The following TCP11L2 variants were observed in gnomAD, a reference collection of about 807,000 sequenced individuals.
TCP11L2 encodes the protein t-complex 11 like 2, also known as T-complex protein 11-like protein 2.
Under a neutral mutation model 50.7 loss-of-function variants are expected in TCP11L2, and 39 were observed. The observed-to-expected ratio is 0.77, with a 90% CI of 0.60 to 1.01. The LOEUF (loss-of-function observed/expected upper bound fraction) is 1.01. TCP11L2 is among the 50% of genes least tolerant of loss of function. The pLI is 0.00. For missense variants in TCP11L2, 612 were observed against 614.7 expected (o/e 1.00, Z 0.05); for synonymous variants, 192 against 219.3 (o/e 0.88, Z 1.10).
Position 106,336,137 on chromosome 12 carries a change from A to C in TCP11L2, c.1066A>C (p.Ile356Leu). The change falls in exon 8 of 10, where the codon ATT becomes CTT. Residue 356 changes from isoleucine to leucine, a missense_variant. Transcript: ENST00000299045. The stretch of plus-strand genomic sequence containing the variant: ...AATTACCAACAACATGGTGGGTGCT[A>C]TTACAGGAGGCCTGCCTGAGCTTGC... ...SLITNNMVGA[I>L]TGGLPELASR... The C allele has an allele frequency of 6.2e-7, 1 of 1,614,046 alleles. No homozygotes were observed. The highest frequency in any genetic ancestry group is 8.5e-7 in the Non-Finnish European group (1 of 1,179,992).
chr12:106,320,402 A>AAAAAG (rs978570584), intron 4 of TCP11L2, among the ~76,000 whole-genome samples: 1 of 152,202 alleles, frequency 6.6e-6, no homozygotes, highest in South Asian at 2.1e-4. Context: ...ATCTCAAAAA[A>AAAAAG]AAAAGAAAAG....
At chr12:106,318,982 G>A (rs1168777033) in intron 4 of TCP11L2, among the ~76,000 whole-genome samples, 1 of 151,858 alleles carries the variant, frequency 6.6e-6, no homozygotes, top group Non-Finnish European at 1.5e-5. Flanking sequence ...CGCAATCTCG[G>A]CTCACTGCAA....
chr12:106,304,395 A>G (rs1030265701), intron 1 of TCP11L2: 16 of 152,298 alleles, frequency 1.1e-4, no homozygotes, highest in African/African-American at 3.4e-4. Context: ...TGTTGGTTCT[A>G]ACTTGATGAA....
At chr12:106,328,007 C>G (rs2136750873) in intron 6 of TCP11L2, among the ~76,000 whole-genome samples, 1 of 152,220 alleles carries the variant, frequency 6.6e-6, no homozygotes, top group African/African-American at 2.4e-5. Flanking sequence ...TTAAGATACC[C>G]AGAAAGAAAG....
Position 106,317,226 on chromosome 12 carries a change from A to G in TCP11L2, c.294-1118A>G, listed in dbSNP as rs185319966. ...GGACACATTGCCTTTGTTTAAAGATAAAGTCTTAGCCGGGCGCAGTGGCTC... is the reference window on the plus strand; with the variant it reads ...GGACACATTGCCTTTGTTTAAAGATGAAGTCTTAGCCGGGCGCAGTGGCTC... On this transcript the variant is annotated intron_variant, in intron 3 of 9. Coordinates refer to ENST00000299045, the MANE Select transcript of TCP11L2 (RefSeq NM_152772.3). 3.3e-3 allele frequency among the ~76,000 whole-genome samples: 508 copies of G among 152,370 alleles called. 2 individuals are homozygous for G. The highest frequency in any genetic ancestry group is 0.017 in the Middle Eastern group (5 of 294).
intron 6 of TCP11L2, among the ~76,000 whole-genome samples, chr12:106,326,436 C>T (rs1176346566): frequency 6.6e-6 from 1 of 152,186 alleles, no homozygotes; most frequent in Admixed American, 6.5e-5. Context: ...AGGAAGCAGA[C>T]AGCTGGTTTT....
intron 8 of TCP11L2, among the ~76,000 whole-genome samples, chr12:106,336,784 C>T (rs1214783969): frequency 6.6e-6 from 1 of 152,098 alleles, no homozygotes; most frequent in African/African-American, 2.4e-5. Flanking sequence ...ATCTCTTGAC[C>T]TCATGACTCA....
chr12:106,306,652 C>A (rs187116994), intron 1 of TCP11L2, among the ~76,000 whole-genome samples: 1 of 151,928 alleles, frequency 6.6e-6, no homozygotes, highest in Non-Finnish European at 1.5e-5. Flanking sequence ...ATTACATTTT[C>A]GGAACTTGTA....
At chr12:106,334,976 A>G (rs2035865840) in intron 6 of TCP11L2, among the ~76,000 whole-genome samples, 1 of 152,132 alleles carries the variant, frequency 6.6e-6, no homozygotes. Context: ...ATATTATTCA[A>G]AACTCCCCAT....
intron 1 of TCP11L2, among the ~76,000 whole-genome samples, chr12:106,306,453 A>G (rs1464218183): frequency 6.6e-5 from 10 of 152,206 alleles, no homozygotes; most frequent in Admixed American, 2.6e-4. Flanking sequence ...CAACTTCAGT[A>G]TATTTAACAT....
At position 106,318,275 on chromosome 12, in the gene TCP11L2, A is replaced by T. The variant is rs563790257; in HGVS notation, c.294-69A>T. ...TACATTTTATAAGATTTCTACAATGAGGATGTTTCTTTTATAATCAGGAAA... is the reference window on the plus strand; with the variant it reads ...TACATTTTATAAGATTTCTACAATGTGGATGTTTCTTTTATAATCAGGAAA... On this transcript the variant is annotated intron_variant, in intron 3 of 9. Transcript: ENST00000299045. 289 of 1,519,712 alleles carry T rather than the reference A, an allele frequency of 1.9e-4. 7 individuals are homozygous for T. In the South Asian group the frequency reaches 3.3e-3, roughly 17 times the overall value. The allele number at this position is 1,519,712 out of a possible 1,614,324, so 94.1% of individuals were successfully genotyped here. A position where few individuals can be genotyped will look rare whatever the true frequency, so the allele number is the denominator to read the frequency against.
chr12:106,337,746 A>C (rs185446621), intron 8 of TCP11L2, among the ~76,000 whole-genome samples: 1 of 152,358 alleles, frequency 6.6e-6, no homozygotes, highest in African/African-American at 2.4e-5. Flanking sequence ...TAATTGTATT[A>C]ATATCTACCT....
In TCP11L2 at chr12:106,346,814, A is replaced by G. The variant is rs1592989196; in HGVS notation, c.*284A>G. Reference sequence around the variant, plus strand: ...TGTAATTAATTATATTACCTATATAATACTTGTAAATGTTTTCTTAACCAT... The same window carrying G: ...TGTAATTAATTATATTACCTATATAGTACTTGTAAATGTTTTCTTAACCAT... On this transcript the variant is annotated 3_prime_UTR_variant, in exon 10 of 10. Coordinates refer to ENST00000299045, the MANE Select transcript of TCP11L2 (RefSeq NM_152772.3). 1 of 293,648 alleles carries G rather than the reference A, an allele frequency of 3.4e-6. No homozygotes were observed. The highest frequency in any genetic ancestry group is 5.8e-5 in the East Asian group (1 of 17,390). The allele number at this position is 293,648 out of a possible 1,614,324, so 18.2% of individuals were successfully genotyped here.
At chr12:106,330,265 T>G in intron 6 of TCP11L2, 1 of 985,162 alleles carries the variant, frequency 1.0e-6, no homozygotes, top group Non-Finnish European at 1.2e-6. Flanking sequence ...GTAAGAGACA[T>G]TTTATTCAAA....
At chr12:106,325,610 G>A (rs2035508594) in intron 6 of TCP11L2, 1 of 152,234 alleles carries the variant, frequency 6.6e-6, no homozygotes, top group Admixed American at 6.6e-5. Flanking sequence ...AAGCCAGACT[G>A]GGCAGGGCAC....
chr12:106,308,763 C>CTTTG (rs2034730500), intron 1 of TCP11L2, among the ~76,000 whole-genome samples: 1 of 152,176 alleles, frequency 6.6e-6, no homozygotes, highest in Admixed American at 6.5e-5. Context: ...AAGGCTTGGG[C>CTTTG]TTTGGCAGTA....
At chr12:106,332,804 C>T (rs1189059983) in intron 6 of TCP11L2, among the ~76,000 whole-genome samples, 2 of 152,132 alleles carry the variant, frequency 1.3e-5, no homozygotes, top group Non-Finnish European at 2.9e-5. Flanking sequence ...CCCTAATTAC[C>T]TCCCAAAGTC....
chr12:106,314,342 T>G lies in TCP11L2; in HGVS notation c.158-16T>G. ...TTTTCTTCTGCAACATTAACTGGCT[T>G]TTGTTTTTCTTTCAGCAACAAGCCC... is the stretch of plus-strand genomic sequence containing the variant. On this transcript the variant is annotated splice_polypyrimidine_tract_variant and intron_variant, in intron 2 of 9. Coordinates refer to ENST00000299045, the MANE Select transcript of TCP11L2 (RefSeq NM_152772.3). 3 of 1,593,216 alleles carry G rather than the reference T, an allele frequency of 1.9e-6. No homozygotes were observed. Among genetic ancestry groups the G allele is most frequent in the Non-Finnish European group, 2.6e-6 (3 of 1,164,058 alleles).
chr12:106,323,295 T>C (rs2035408000), intron 5 of TCP11L2, among the ~76,000 whole-genome samples: 1 of 152,220 alleles, frequency 6.6e-6, no homozygotes, highest in South Asian at 2.1e-4. Context: ...TAAGATTGTT[T>C]ATGCTTCAAG....
Sources: allele counts gnomAD v4.1 joint callset (sites outside exome capture counted in the v4.1 genomes callset), GRCh38; gene constraint gnomAD v4.1.1; transcripts MANE v1.5; gene names NCBI Gene and HGNC (gene_info 2026-07-23, HGNC 2026-07-21).